ZDHHC11: variants seen among roughly 807,000 people sequenced by gnomAD.
The protein encoded by ZDHHC11 is zDHHC palmitoyltransferase 11, also known as palmitoyltransferase ZDHHC11.
ZDHHC11 carries 44 observed loss-of-function variants against 51.3 expected under a neutral mutation model. The observed-to-expected ratio is 0.86, with a 90% CI of 0.67 to 1.10. ZDHHC11 has a LOEUF of 1.10. Among genes scored for constraint, ZDHHC11 ranks in the 50% least tolerant of loss-of-function variants. ZDHHC11 has a pLI of 0.00. For missense variants in ZDHHC11, 400 were observed against 537.7 expected, an observed-to-expected ratio of 0.74 and a Z score of 2.53; for synonymous variants, 163 against 222.0, an observed-to-expected ratio of 0.73 and a Z score of 2.36.
intron 11 of ZDHHC11, among the ~76,000 whole-genome samples, chr5:814,056 T>G (rs1211667174): frequency 2.7e-5 from 4 of 148,416 alleles, no homozygotes; most frequent in Non-Finnish European, 5.9e-5. Context: ...TAAAGCTGCT[T>G]TTTAAAATAT....
chr5:803,895 C>G (rs145330708), intron 11 of ZDHHC11, among the ~76,000 whole-genome samples: 99 of 148,412 alleles, frequency 6.7e-4, no homozygotes, highest in African/African-American at 2.2e-3. Context: ...CAGATTTGAG[C>G]AAGCAGAAGA....
intron 11 of ZDHHC11, among the ~76,000 whole-genome samples, chr5:810,909 A>C (rs1315712579): frequency 6.6e-6 from 1 of 152,130 alleles, no homozygotes; most frequent in Admixed American, 6.5e-5. Context: ...GCAACAATGT[A>C]GAGTTTAAAA....
chr5:859,223 T>G (rs189683814), upstream of ZDHHC11, among the ~76,000 whole-genome samples: 5 of 152,156 alleles, frequency 3.3e-5, no homozygotes, highest in Admixed American at 3.3e-4. Context: ...TGGGCCCCAA[T>G]GCCTGCTTGT....
Position 848,674 on chromosome 5 carries a change from G to A in ZDHHC11, c.223-14C>T. The A allele has an allele frequency of 6.2e-7, 1 of 1,609,978 alleles. No individual in the cohort carries two copies. Among genetic ancestry groups the A allele is most frequent in the South Asian group, 1.1e-5 (1 of 90,526 alleles). On this transcript the variant is annotated splice_polypyrimidine_tract_variant and intron_variant, in intron 1 of 12. Coordinates refer to ENST00000283441, the MANE Select transcript of ZDHHC11 (RefSeq NM_024786.3). ...CCCCCCGGTCACCTGGCATGTCAAG[G>A]AAGAACCTGGCCCAGGGCCTGGTCA...
At chr5:854,281 AG>A, upstream of ZDHHC11, among the ~76,000 whole-genome samples, 1 of 139,488 alleles carries the variant, frequency 7.2e-6, no homozygotes, top group South Asian at 2.5e-4. Flanking sequence ...ACAGTGAGCC[AG>A]GGGCCACAGA....
At chr5:850,037 G>T (rs894251761) in intron 1 of ZDHHC11, among the ~76,000 whole-genome samples, 5 of 152,244 alleles carry the variant, frequency 3.3e-5, no homozygotes, top group African/African-American at 7.2e-5. Flanking sequence ...GGCACCAGGG[G>T]CAAGGAGAAA....
intron 6 of ZDHHC11, among the ~76,000 whole-genome samples, chr5:836,464 T>C (rs372018): frequency 6.6e-6 from 1 of 150,502 alleles, no homozygotes; most frequent in Admixed American, 6.6e-5. Context: ...TACTGGCTTA[T>C]GAATATCTGG....
chr5:799,374 T>A (rs1046077246), intron 12 of ZDHHC11, among the ~76,000 whole-genome samples: 4 of 151,490 alleles, frequency 2.6e-5, no homozygotes, highest in Non-Finnish European at 5.9e-5. Context: ...AATCTTCAAC[T>A]TTTCAGCCAT....
chr5:827,225 G>A (rs1030954586), intron 7 of ZDHHC11, among the ~76,000 whole-genome samples: 1 of 149,070 alleles, frequency 6.7e-6, no homozygotes, highest in Non-Finnish European at 1.5e-5. Flanking sequence ...AATACTAAAA[G>A]GAGTTCCAAA....
At chr5:824,635 C>A (rs1256950280) in intron 8 of ZDHHC11, among the ~76,000 whole-genome samples, 1 of 151,496 alleles carries the variant, frequency 6.6e-6, no homozygotes, top group African/African-American at 2.4e-5. Context: ...CCACACACCA[C>A]ACACAAAACC....
chr5:844,439 T>A (rs1745778065), intron 3 of ZDHHC11, among the ~76,000 whole-genome samples: 1 of 152,284 alleles, frequency 6.6e-6, no homozygotes, highest in African/African-American at 2.4e-5. Flanking sequence ...TCACACGGCG[T>A]CTCCAGTGTC....
At position 819,497 on chromosome 5, in the gene ZDHHC11, G is replaced by A. The variant is rs758635212; in HGVS notation, c.1146+28C>T. On this transcript the variant is annotated intron_variant, in intron 10 of 12. Coordinates refer to ENST00000283441, the MANE Select transcript of ZDHHC11 (RefSeq NM_024786.3). ...ACATTCTGCACATGGCCCTGTCCTC[G>A]GGGACAGCGCCAGTGATTGCAACTT... The A allele has an allele frequency of 6.6e-5, 106 of 1,601,690 alleles. 4 individuals are homozygous for A. The highest frequency in any genetic ancestry group is 5.0e-4 in the Middle Eastern group (3 of 6,050).
At chr5:822,015 T>G in intron 8 of ZDHHC11, 120 bp from the exon 9 acceptor site, 1 of 863,186 alleles carries the variant, frequency 1.2e-6, no homozygotes, top group Non-Finnish European at 1.8e-6. Context: ...TACATCAAGG[T>G]TGCCTGGATC....
At chr5:820,602 T>C (rs928171340) in intron 9 of ZDHHC11, among the ~76,000 whole-genome samples, 9 of 151,046 alleles carry the variant, frequency 6.0e-5, no homozygotes, top group Admixed American at 4.6e-4. Flanking sequence ...TGCACTCCAC[T>C]TTCTGGCCAT....
At chr5:803,274 G>A (rs1303299515) in intron 11 of ZDHHC11, among the ~76,000 whole-genome samples, 3 of 151,352 alleles carry the variant, frequency 2.0e-5, no homozygotes, top group African/African-American at 7.3e-5. Context: ...GATCCACTTG[G>A]CAGCAGTGGC....
intron 11 of ZDHHC11, 77 bp from the exon 12 acceptor site, chr5:801,241 A>G: frequency 1.3e-6 from 2 of 1,571,468 alleles, no homozygotes; most frequent in South Asian, 2.2e-5. Flanking sequence ...AGTGCACAAA[A>G]TGTGTAAACA....
rs1342926572 is a variant in ZDHHC11 at position 850,766 on chromosome 5, G to A, written c.-164C>T. ...GGCCACGTTCCCCGCAGAGGGAGCA[G>A]GGGCTGGGCTGGAGTCGGTGCAGGG... On this transcript the variant is annotated 5_prime_UTR_variant, in exon 1 of 13. Transcript: ENST00000283441. The A allele has an allele frequency of 1.2e-6, 1 of 863,156 alleles. No homozygotes were observed. The highest frequency in any genetic ancestry group is 2.6e-5 in the East Asian group (1 of 37,824). The allele number at this position is 863,156 out of a possible 1,614,324, so 53.5% of individuals were successfully genotyped here.
At chr5:844,732 C>G (rs1395634335) in intron 3 of ZDHHC11, among the ~76,000 whole-genome samples, 1 of 152,308 alleles carries the variant, frequency 6.6e-6, no homozygotes, top group Admixed American at 6.5e-5. Context: ...GGCCACACCT[C>G]GGCTGCAGTC....
chr5:817,453 A>G (rs556633319), intron 10 of ZDHHC11, among the ~76,000 whole-genome samples: 36 of 151,652 alleles, frequency 2.4e-4, no homozygotes, highest in South Asian at 8.4e-4. Flanking sequence ...TTTTGTGGGT[A>G]TGTATATATC....
Sources: gnomAD v4.1 joint callset for allele counts (sites outside exome capture counted in the v4.1 genomes callset) on GRCh38, gnomAD v4.1.1 for gene constraint, MANE v1.5 for transcripts, NCBI Gene and HGNC (gene_info 2026-07-23, HGNC 2026-07-21) for gene names.